Variants in STAG3 observed in about 807,000 individuals in gnomAD.
STAG3 encodes STAG3 cohesin complex component.
Under a neutral mutation model 160.7 loss-of-function variants are expected in STAG3, and 101 were observed. The ratio of observed to expected loss-of-function variants is 0.63; its 90% CI spans 0.54 to 0.74. The LOEUF is 0.74. STAG3 is among the 30% of genes least tolerant of loss of function. The pLI, the probability that STAG3 is intolerant of heterozygous loss-of-function variation, is 0.00. For missense variants in STAG3, 1,188 were observed against 1,517.4 expected, an observed-to-expected ratio of 0.78 and a Z score of 3.61; for synonymous variants, 519 against 585.0, an observed-to-expected ratio of 0.89 and a Z score of 1.63.
At chr7:100,213,003 T>C (rs1430256049) in intron 32 of STAG3, 1 of 154,412 alleles carries the variant, frequency 6.5e-6, no homozygotes, top group Non-Finnish European at 1.5e-5. Flanking sequence ...GTAACAGAAT[T>C]CCATAGACTG....
chr7:100,204,856 T>C, intron 27 of STAG3, 81 bp downstream of exon 27: 7 of 1,593,900 alleles, frequency 4.4e-6, no homozygotes, highest in Non-Finnish European at 6.0e-6. Context: ...GGAGGGTATG[T>C]GTGTCAAGGC....
At chr7:100,186,374 T>G in intron 5 of STAG3, 78 bp downstream of exon 5, 1 of 1,334,694 alleles carries the variant, frequency 7.5e-7, no homozygotes, top group Admixed American at 1.7e-5. Flanking sequence ...TTTAGATAAG[T>G]AGGATTAGAC....
intron 28 of STAG3, 28 bp from the exon 29 acceptor site, chr7:100,205,199 C>A: frequency 6.2e-7 from 1 of 1,613,350 alleles, no homozygotes. Context: ...GTAGCCCCTT[C>A]AGGCTTTTGG....
intron 18 of STAG3, 36 bp from the exon 19 acceptor site, chr7:100,200,733 C>G (rs938644713): frequency 6.2e-7 from 1 of 1,606,604 alleles, no homozygotes; most frequent in Non-Finnish European, 8.5e-7. Context: ...CTCCTCCCAT[C>G]CCCACAGCAC....
At chr7:100,215,589 C>A (rs1248502814), downstream of STAG3, among the ~76,000 whole-genome samples, 1 of 152,102 alleles carries the variant, frequency 6.6e-6, no homozygotes, top group Non-Finnish European at 1.5e-5. Context: ...GGGAAAGATT[C>A]CTGAATTATT....
In STAG3 at chr7:100,192,368, T is replaced by A. The variant is rs533022237; in HGVS notation, c.867+2772T>A. 2.6e-5 allele frequency among the ~76,000 whole-genome samples: 4 copies of A among 152,102 alleles called. No individual in the cohort carries two copies. In the South Asian group the frequency reaches 8.3e-4, roughly 32 times the overall value. On this transcript the variant is annotated intron_variant, in intron 8 of 33. Coordinates refer to ENST00000615138, the MANE Select transcript of STAG3 (RefSeq NM_001282717.2). ...GGCAAAAACCCATCTCTACTAAAAATACAAAAATTAGCTAGGTGTGGTGGT... is the reference window on the plus strand; with the variant it reads ...GGCAAAAACCCATCTCTACTAAAAAAACAAAAATTAGCTAGGTGTGGTGGT...
chr7:100,198,345 T>C, intron 12 of STAG3, 130 bp from the exon 13 acceptor site: 4 of 1,170,144 alleles, frequency 3.4e-6, no homozygotes, highest in Admixed American at 1.7e-5. Flanking sequence ...CTCCTTTGTC[T>C]TCCGCTCTTC....
chr7:100,211,927 CAA>C (rs1309285779), intron 32 of STAG3, 51 bp downstream of exon 32: 1 of 1,558,196 alleles, frequency 6.4e-7, no homozygotes, highest in South Asian at 1.1e-5. Context: ...GCTGATGTGC[CAA>C]AGAGAAGCCA....
chr7:100,200,876 A>C lies in STAG3; in HGVS notation c.1968A>C (p.Glu656Asp). Residue 656 changes from glutamate to aspartate, a missense_variant, in exon 19 of 34, where the codon GAA (glutamate) becomes GAC (aspartate). Around this residue, in one of 4 missense-constraint regions of STAG3, gnomAD observed 647 missense variants for 717.2 expected, o/e 0.90. Coordinates refer to ENST00000615138, the MANE Select transcript of STAG3 (RefSeq NM_001282717.2). ...CCCTCTACCTGCTCTGTAATCCCGA[A>C]TTCACTTTCTTCAGCCGGGCGGACT... ...AHALYLLCNP[E>D]FTFFSRADFA... The C allele has an allele frequency of 6.2e-7, 1 of 1,614,114 alleles. No individual in the cohort carries two copies. Among genetic ancestry groups the C allele is most frequent in the East Asian group, 2.2e-5 (1 of 44,866 alleles).
chr7:100,211,993 A>G (rs1441456513), intron 32 of STAG3, 117 bp downstream of exon 32: 1 of 891,224 alleles, frequency 1.1e-6, no homozygotes, highest in Non-Finnish European at 1.7e-6. Flanking sequence ...AGCTGAATGA[A>G]TCTAGAGTAA....
downstream of STAG3, chr7:100,218,856 A>G (rs1007473033): frequency 4.4e-5 from 10 of 226,898 alleles, no homozygotes; most frequent in Admixed American, 2.8e-4. Context: ...AAAACGTGTC[A>G]CTCATCAGCG....
downstream of STAG3, among the ~76,000 whole-genome samples, chr7:100,215,991 G>C (rs1563019007): frequency 6.6e-6 from 1 of 152,170 alleles, no homozygotes; most frequent in East Asian, 1.9e-4. Flanking sequence ...CCACGTGTAG[G>C]TGTTCCTGCC....
In STAG3 at chr7:100,213,989, T is replaced by C; in HGVS notation, c.3673-18T>C. On this transcript the variant is annotated intron_variant, in intron 33 of 33. Coordinates refer to ENST00000615138, the MANE Select transcript of STAG3 (RefSeq NM_001282717.2). ...CGTTGCTGTGTCCTGTGTATTCCTT[T>C]CATCTTTCTCATTATAGGATTTCTG... 6.2e-7 allele frequency: 1 copy of C among 1,614,192 alleles called. No homozygotes were observed.
At chr7:100,208,947 A>G (rs1801914039) in intron 29 of STAG3, among the ~76,000 whole-genome samples, 1 of 152,210 alleles carries the variant, frequency 6.6e-6, no homozygotes, top group African/African-American at 2.4e-5. Flanking sequence ...TACAATTTTA[A>G]CAGGTTTATT....
At chr7:100,192,194 T>C (rs4729580) in intron 8 of STAG3, among the ~76,000 whole-genome samples, 76,419 of 152,028 alleles carry the variant, frequency 0.5, 19,447 homozygotes, top group East Asian at 0.69. Flanking sequence ...TTTTGACCTC[T>C]TCCCATGAAC....
In STAG3 at chr7:100,211,647, T is replaced by G. The variant is rs1225943818; in HGVS notation, c.3518+108T>G. The stretch of plus-strand genomic sequence containing the variant: ...CTGTGGGTGCTTTTTGGACTTGTTT[T>G]AGCCACAGAGCACTTCCTGTCAGCA... On this transcript the variant is annotated intron_variant, in intron 31 of 33. Transcript: ENST00000615138. 4.2e-6 allele frequency: 6 copies of G among 1,439,864 alleles called. 1 individual carries two copies. The Admixed American group carries it at 1.1e-4, about 27-fold the overall frequency. The allele number at this position is 1,439,864 out of a possible 1,614,324, so 89.2% of individuals were successfully genotyped here.
intron 5 of STAG3, among the ~76,000 whole-genome samples, chr7:100,187,783 A>T (rs1334798385): frequency 2.2e-4 from 31 of 143,478 alleles, no homozygotes; most frequent in Non-Finnish European, 4.2e-4. Flanking sequence ...TTTTTGAGAC[A>T]GTCTCACTTG....
At position 100,188,820 on chromosome 7, in the gene STAG3, G is replaced by A. The variant is rs759250789; in HGVS notation, c.519G>A (p.Gly173=). ...CATACATCCTTTTGTAGGACTCGGG[G>A]GACTACCCTCTCATAGCTCCAGGTC... ...HLTEQFNEDS[G]DYPLIAPGPS... is the part of the protein sequence containing the mutation. Residue 173 remains glycine, a synonymous_variant, in exon 7 of 34, where the codon GGG becomes GGA. Transcript: ENST00000615138. The A allele has an allele frequency of 3.1e-6, 5 of 1,613,914 alleles. No individual in the cohort carries two copies. Among genetic ancestry groups the A allele is most frequent in the Non-Finnish European group, 4.2e-6 (5 of 1,180,004 alleles).
At chr7:100,211,946 T>A in intron 32 of STAG3, 70 bp downstream of exon 32, 1 of 1,447,488 alleles carries the variant, frequency 6.9e-7, no homozygotes, top group East Asian at 2.3e-5. Context: ...GCCAGGGTGT[T>A]TCCCCTCTCT....
Sources: gnomAD v4.1 joint callset for allele counts (sites outside exome capture counted in the v4.1 genomes callset) on GRCh38, gnomAD v4.1.1 for gene constraint, gnomAD v4.1.1 regional missense constraint, MANE v1.5 for transcripts, NCBI Gene and HGNC (gene_info 2026-07-23, HGNC 2026-07-21) for gene names.